Variants in KIAA1217 observed in about 807,000 individuals in gnomAD.
KIAA1217 encodes sickle tail protein homolog.
A neutral mutation model predicts 163.9 loss-of-function variants in KIAA1217; 88 were observed. The ratio of observed to expected loss-of-function variants is 0.54; its 90% CI spans 0.45 to 0.64. The LOEUF (loss-of-function observed/expected upper bound fraction) is 0.64, where lower values mean the gene tolerates loss of function less well. Ranked by LOEUF, KIAA1217 falls within the 30% of genes least tolerant of loss-of-function variation. The probability of loss-of-function intolerance (pLI) is 0.00; values close to 1 mark genes in which losing one functional copy is unlikely to be tolerated. For missense variants in KIAA1217, 2,372 were observed against 2,475.0 expected (o/e 0.96, Z 0.88); for synonymous variants, 903 against 923.1 (o/e 0.98, Z 0.39).
Position 24,520,272 on chromosome 10 carries a change from C to T in KIAA1217, c.2308+19C>T. 1.9e-6 allele frequency: 3 copies of T among 1,613,360 alleles called. No individual in the cohort carries two copies. Among genetic ancestry groups the T allele is most frequent in the East Asian group, 2.2e-5 (1 of 44,848 alleles). On this transcript the variant is annotated intron_variant, in intron 11 of 20. Transcript: ENST00000376454. The stretch of plus-strand genomic sequence containing the variant: ...CTGAAAGGTAAACTTTCTGCTGGGT[C>T]GGGGGAGGAGTCTGAGCTGTCTTTC...
At chr10:24,408,337 A>G (rs942588138) in intron 3 of KIAA1217, among the ~76,000 whole-genome samples, 11 of 152,154 alleles carry the variant, frequency 7.2e-5, no homozygotes, top group African/African-American at 2.7e-4. Context: ...CCGAATGTAT[A>G]TAGATCCTGA....
chr10:24,380,603 C>T (rs984648168), intron 2 of KIAA1217, among the ~76,000 whole-genome samples: 4 of 144,618 alleles, frequency 2.8e-5, no homozygotes, highest in African/African-American at 1.0e-4. Flanking sequence ...TCTCACACCA[C>T]TGCACTCTGG....
chr10:23,842,294 T>C (rs1346138595), intron 1 of KIAA1217, among the ~76,000 whole-genome samples: 1 of 152,156 alleles, frequency 6.6e-6, no homozygotes, highest in Non-Finnish European at 1.5e-5. Context: ...GTTCAAATAT[T>C]CTCAGTTCAA....
chr10:24,525,860 C>T (rs1017836601), intron 13 of KIAA1217, among the ~76,000 whole-genome samples: 3 of 151,964 alleles, frequency 2.0e-5, no homozygotes, highest in East Asian at 1.9e-4. Context: ...CATGGTGGCG[C>T]GTGCCTGTAG....
At chr10:24,385,376 A>G (rs2130625924) in intron 3 of KIAA1217, among the ~76,000 whole-genome samples, 1 of 152,184 alleles carries the variant, frequency 6.6e-6, no homozygotes, top group East Asian at 1.9e-4. Flanking sequence ...AGTGTGGGGA[A>G]CAGTAGCTGT....
At chr10:24,506,154 C>G (rs963649139) in intron 9 of KIAA1217, among the ~76,000 whole-genome samples, 1 of 152,178 alleles carries the variant, frequency 6.6e-6, no homozygotes, top group African/African-American at 2.4e-5. Context: ...ATAGCTGTGA[C>G]CAGGCATCCC....
At chr10:24,310,806 G>A (rs2042602591) in intron 2 of KIAA1217, among the ~76,000 whole-genome samples, 1 of 152,106 alleles carries the variant, frequency 6.6e-6, no homozygotes, top group Non-Finnish European at 1.5e-5. Flanking sequence ...AGACCAGCCT[G>A]GGCAACTTGG....
At chr10:24,081,224 G>A (rs950979293) in intron 2 of KIAA1217, among the ~76,000 whole-genome samples, 16 of 152,194 alleles carry the variant, frequency 1.1e-4, no homozygotes, top group Non-Finnish European at 1.8e-4. Flanking sequence ...TTTACTTGCT[G>A]TTTATAAAGC....
chr10:24,430,276 T>C (rs1276521029), intron 3 of KIAA1217, among the ~76,000 whole-genome samples: 1 of 145,938 alleles, frequency 6.9e-6, no homozygotes, highest in Non-Finnish European at 1.5e-5. Flanking sequence ...ATCAGCCCCT[T>C]CCCCTATGCT....
upstream of KIAA1217, among the ~76,000 whole-genome samples, chr10:24,204,890 G>C (rs1421635805): frequency 2.0e-5 from 3 of 152,138 alleles, no homozygotes; most frequent in Non-Finnish European, 4.4e-5. Flanking sequence ...CAGTTAATGT[G>C]GAACACATCA....
At chr10:24,281,036 A>G (rs921497867) in intron 2 of KIAA1217, among the ~76,000 whole-genome samples, 2 of 152,192 alleles carry the variant, frequency 1.3e-5, no homozygotes, top group Non-Finnish European at 2.9e-5. Flanking sequence ...CTGATAGGCA[A>G]TATTTGCTAG....
rs1380247789 is a variant in KIAA1217 at position 24,544,369 on chromosome 10, T to C, written c.5099T>C (p.Val1700Ala). 2 of 1,614,136 alleles carry C rather than the reference T, an allele frequency of 1.2e-6. No homozygotes were observed. The highest frequency in any genetic ancestry group is 1.7e-6 in the Non-Finnish European group (2 of 1,180,032). ...DTSCSSNRDS[V>A]ASSSHIAQEA... Reference sequence around the variant, plus strand: ...TCATGTTCTTCCAACAGAGATTCTGTTGCAAGTTCATCCCACATAGCCCAA... The same window carrying C: ...TCATGTTCTTCCAACAGAGATTCTGCTGCAAGTTCATCCCACATAGCCCAA... The change falls in exon 19 of 21, where the codon GTT becomes GCT. Residue 1700 changes from valine to alanine, a missense_variant. Val to Ala is a moderately conservative substitution (Grantham distance 64, BLOSUM62 0). Coordinates refer to ENST00000376454, the MANE Select transcript of KIAA1217 (RefSeq NM_019590.5).
intron 8 of KIAA1217, 118 bp downstream of exon 8, chr10:24,495,314 T>C: frequency 1.4e-6 from 1 of 707,838 alleles, no homozygotes; most frequent in Non-Finnish European, 2.4e-6. Context: ...TGTCAGGGGA[T>C]TCCTAGATAT....
chr10:24,267,284 T>A (rs1193942691), intron 2 of KIAA1217, among the ~76,000 whole-genome samples: 1 of 152,180 alleles, frequency 6.6e-6, no homozygotes, highest in Non-Finnish European at 1.5e-5. Context: ...ACTTGTGGTC[T>A]CTCAAGGAGT....
chr10:24,182,329 G>C (rs190394668), intron 2 of KIAA1217, among the ~76,000 whole-genome samples: 1 of 152,042 alleles, frequency 6.6e-6, no homozygotes, highest in Admixed American at 6.6e-5. Flanking sequence ...CCAGCTACGC[G>C]GGAGGCTAAG....
chr10:24,089,677 C>T (rs2061849584), intron 2 of KIAA1217, among the ~76,000 whole-genome samples: 1 of 151,802 alleles, frequency 6.6e-6, no homozygotes, highest in South Asian at 2.1e-4. Flanking sequence ...GTACCAGTAC[C>T]ATGCTGTTTT....
In KIAA1217 at chr10:24,531,881, C is replaced by T; in HGVS notation, c.3134C>T (p.Pro1045Leu). 6.2e-7 allele frequency: 1 copy of T among 1,608,696 alleles called. No individual in the cohort carries two copies. Residue 1045 changes from proline (P) to leucine (L), a missense_variant, in exon 15 of 21, where the codon CCC becomes CTC. Transcript: ENST00000376454. ...TTGGAAAAGCTGGGGGGAAAGTCGC[C>T]CCCTCCTCCTCCGCCACCTCCTCGT... The part of the protein sequence containing the change: ...QDLEKLGGKS[P>L]PPPPPPPRRS...
chr10:23,803,697 T>G (rs1836590923), intron 1 of KIAA1217, among the ~76,000 whole-genome samples: 1 of 152,198 alleles, frequency 6.6e-6, no homozygotes, highest in Non-Finnish European at 1.5e-5. Context: ...TTCTCAATTT[T>G]AAATCAGTGA....
chr10:24,099,763 C>T (rs1274749570), intron 2 of KIAA1217, among the ~76,000 whole-genome samples: 1 of 142,480 alleles, frequency 7.0e-6, no homozygotes, highest in Non-Finnish European at 1.5e-5. Context: ...CAACAGTCCC[C>T]GGTGTGTGAT....
Sources: allele counts gnomAD v4.1 joint callset (sites outside exome capture counted in the v4.1 genomes callset), GRCh38; gene constraint gnomAD v4.1.1; transcripts MANE v1.5; gene names NCBI Gene and HGNC (gene_info 2026-07-23, HGNC 2026-07-21).